ZCCHC24: variants seen among roughly 807,000 people sequenced by gnomAD.
ZCCHC24 encodes zinc finger CCHC-type containing 24, also known as zinc finger CCHC domain-containing protein 24.
In ZCCHC24, 10 loss-of-function variants were observed where a neutral mutation model predicts 26.2. That is an observed-to-expected ratio of 0.38 (90% CI 0.24 to 0.65). The LOEUF (loss-of-function observed/expected upper bound fraction) is 0.65. Ranked by LOEUF, ZCCHC24 falls within the 30% of genes least tolerant of loss-of-function variation. The pLI, the probability that ZCCHC24 is intolerant of heterozygous loss-of-function variation, is 0.54. For synonymous variants in ZCCHC24, 144 were observed against 147.1 expected (o/e 0.98, Z 0.15); for missense variants, 243 against 329.1 (o/e 0.74, Z 2.03).
At chr10:79,399,516 G>GGCAA (rs1272628003) in intron 2 of ZCCHC24, among the ~76,000 whole-genome samples, 4 of 152,206 alleles carry the variant, frequency 2.6e-5, no homozygotes, top group Non-Finnish European at 5.9e-5. Context: ...AAGCTCACTG[G>GGCAA]AGCTCAGAAA....
chr10:79,408,574 C>T (rs946651889), intron 2 of ZCCHC24, among the ~76,000 whole-genome samples: 5 of 152,156 alleles, frequency 3.3e-5, no homozygotes, highest in African/African-American at 9.7e-5. Context: ...CAACCCCGGC[C>T]CCCATGAACT....
At chr10:79,422,846 A>G (rs1405176401) in intron 2 of ZCCHC24, among the ~76,000 whole-genome samples, 1 of 152,094 alleles carries the variant, frequency 6.6e-6, no homozygotes, top group African/African-American at 2.4e-5. Context: ...ACCACTAACA[A>G]TGTCTCAGAA....
intron 2 of ZCCHC24, among the ~76,000 whole-genome samples, chr10:79,419,252 C>T (rs980806218): frequency 3.3e-5 from 5 of 152,182 alleles, no homozygotes; most frequent in African/African-American, 9.7e-5. Context: ...CAAGTGATAC[C>T]AACAGTGAGG....
At chr10:79,428,425 A>AAGAT (rs1341371550) in intron 2 of ZCCHC24, among the ~76,000 whole-genome samples, 2 of 37,884 alleles carry the variant, frequency 5.3e-5, no homozygotes, top group Non-Finnish European at 1.1e-4. Context: ...TCAGTTTTGC[A>AAGAT]AGATAAATTT....
chr10:79,400,952 A>G (rs1040130609), intron 2 of ZCCHC24, among the ~76,000 whole-genome samples: 3 of 152,238 alleles, frequency 2.0e-5, no homozygotes, highest in Non-Finnish European at 4.4e-5. Context: ...TTGAAGTCCC[A>G]CCACGAGTGA....
Position 79,445,394 on chromosome 10 carries a change from T to A in ZCCHC24, c.47A>T (p.Gln16Leu). 1 of 1,511,288 alleles carries A rather than the reference T, an allele frequency of 6.6e-7. No individual in the cohort carries two copies. Among genetic ancestry groups the A allele is most frequent in the Non-Finnish European group, 8.9e-7 (1 of 1,129,394 alleles). The allele number at this position is 1,511,288 out of a possible 1,614,324, so 93.6% of individuals were successfully genotyped here. The change falls in exon 1 of 4, where the codon CAG (glutamine) becomes CTG (leucine). Residue 16 changes from glutamine (Q) to leucine (L), a missense_variant. Transcript: ENST00000372336. ...AIDTSAASVY[Q>L]PAQLLNWVYL... is the part of the protein sequence containing the mutation. ...GACCCAGTTGAGCAGCTGGGCGGGC[T>A]GGTACACCGAGGCGGCGCTCGTGTC... is the stretch of plus-strand genomic sequence containing the variant.
chr10:79,394,889 C>A (rs1297008272), intron 2 of ZCCHC24, among the ~76,000 whole-genome samples: 2 of 152,158 alleles, frequency 1.3e-5, no homozygotes, highest in African/African-American at 4.8e-5. Context: ...CTCCCTGCAC[C>A]CAGTCAGCTC....
intron 2 of ZCCHC24, 107 bp from the exon 3 acceptor site, chr10:79,394,547 G>T: frequency 6.7e-7 from 1 of 1,500,328 alleles, no homozygotes; most frequent in Non-Finnish European, 8.9e-7. Flanking sequence ...GTGTCCATGT[G>T]TGCAGGCACC....
chr10:79,422,800 A>G (rs796949809), intron 2 of ZCCHC24, among the ~76,000 whole-genome samples: 11 of 152,324 alleles, frequency 7.2e-5, no homozygotes, highest in African/African-American at 2.6e-4. Context: ...CACAGGTGAC[A>G]ACACCCCTCA....
At chr10:79,418,431 A>T (rs2894395) in intron 2 of ZCCHC24, among the ~76,000 whole-genome samples, 5,125 of 152,178 alleles carry the variant, frequency 0.034, 283 homozygotes, top group African/African-American at 0.12. Context: ...GCAGACACAG[A>T]CCTCGCCTGG....
intron 2 of ZCCHC24, among the ~76,000 whole-genome samples, chr10:79,426,709 T>G (rs1857033361): frequency 6.6e-6 from 1 of 152,086 alleles, no homozygotes; most frequent in Non-Finnish European, 1.5e-5. Flanking sequence ...TTAAAGAAAT[T>G]AAAATGTTAG....
chr10:79,411,686 G>C (rs1478189816), intron 2 of ZCCHC24, among the ~76,000 whole-genome samples: 1 of 152,168 alleles, frequency 6.6e-6, no homozygotes, highest in East Asian at 1.9e-4. Context: ...AGCCCACACA[G>C]CCTGTGAGAG....
At chr10:79,407,524 C>T (rs1454812160) in intron 2 of ZCCHC24, among the ~76,000 whole-genome samples, 1 of 152,238 alleles carries the variant, frequency 6.6e-6, no homozygotes, top group Admixed American at 6.5e-5. Context: ...ATCAATAGGT[C>T]TGGGGAGGGC....
chr10:79,433,227 C>T (rs976249277), intron 1 of ZCCHC24, among the ~76,000 whole-genome samples: 4 of 152,208 alleles, frequency 2.6e-5, no homozygotes, highest in Non-Finnish European at 4.4e-5. Context: ...GACTCAGTTT[C>T]CCCACCTTGT....
Position 79,435,789 on chromosome 10 carries a change from G to A in ZCCHC24, c.247-3031C>T, listed in dbSNP as rs533692863. On this transcript the variant is annotated intron_variant, in intron 1 of 3. Transcript: ENST00000372336. The stretch of plus-strand genomic sequence containing the variant: ...GCTGGCCAGTGTGAAGGGTGGGTGA[G>A]GCAGTGAGCTGCTTCCTCTCTGAGG... 2.0e-5 allele frequency among the ~76,000 whole-genome samples: 3 copies of A among 152,356 alleles called. No homozygotes were observed. In the East Asian group the frequency reaches 5.8e-4, roughly 29 times the overall value.
At position 79,386,245 on chromosome 10, in the gene ZCCHC24, C is replaced by T. The variant is rs769370960; in HGVS notation, c.*100G>A. ...CCAGCCCCGCAGGCCTGCGAGGGCACCCCATGCACAGGGCGACACGCAGCC... is the reference window on the plus strand; with the variant it reads ...CCAGCCCCGCAGGCCTGCGAGGGCATCCCATGCACAGGGCGACACGCAGCC... On this transcript the variant is annotated 3_prime_UTR_variant, in exon 4 of 4. Transcript: ENST00000372336. 8.7e-7 allele frequency: 1 copy of T among 1,146,492 alleles called. No homozygotes were observed. Among genetic ancestry groups the T allele is most frequent in the Non-Finnish European group, 1.3e-6 (1 of 779,680 alleles). The allele number at this position is 1,146,492 out of a possible 1,614,324, so 71.0% of individuals were successfully genotyped here. A position where few individuals can be genotyped will look rare whatever the true frequency, so the allele number is the denominator to read the frequency against.
intron 2 of ZCCHC24, among the ~76,000 whole-genome samples, chr10:79,408,171 A>G (rs749629037): frequency 3.3e-5 from 5 of 152,212 alleles, no homozygotes; most frequent in Non-Finnish European, 7.4e-5. Context: ...CCCCTGAGCT[A>G]CAGATGTGGA....
At chr10:79,429,368 G>C (rs1176670425) in intron 2 of ZCCHC24, among the ~76,000 whole-genome samples, 1 of 152,136 alleles carries the variant, frequency 6.6e-6, no homozygotes, top group Non-Finnish European at 1.5e-5. Context: ...GGATCACTTA[G>C]ACCAGGAGTT....
intron 2 of ZCCHC24, among the ~76,000 whole-genome samples, chr10:79,410,865 C>G (rs188050168): frequency 2.3e-4 from 35 of 152,054 alleles, no homozygotes; most frequent in African/African-American, 7.5e-4. Flanking sequence ...GTTGAGTCAG[C>G]AGCACTTGGG....
Sources: allele counts gnomAD v4.1 joint callset (sites outside exome capture counted in the v4.1 genomes callset), GRCh38; gene constraint gnomAD v4.1.1; transcripts MANE v1.5; gene names NCBI Gene and HGNC (gene_info 2026-07-23, HGNC 2026-07-21).